DLGAP2: variants seen among roughly 807,000 people sequenced by gnomAD.
DLGAP2 encodes the protein disks large-associated protein 2.
DLGAP2 carries 26 observed loss-of-function variants against 100.3 expected under a neutral mutation model. The observed-to-expected ratio is 0.26, with a 90% CI of 0.19 to 0.36. The LOEUF is 0.36. DLGAP2 is among the 10% of genes least tolerant of loss of function. DLGAP2 has a pLI of 1.00. For synonymous variants in DLGAP2, 886 were observed against 630.1 expected, an observed-to-expected ratio of 1.41 and a Z score of -6.08; for missense variants, 1,858 against 1,453.2, an observed-to-expected ratio of 1.28 and a Z score of -4.53.
chr8:1,482,841 G>A (rs1302793134), intron 3 of DLGAP2, among the ~76,000 whole-genome samples: 3 of 152,262 alleles, frequency 2.0e-5, no homozygotes, highest in African/African-American at 4.8e-5. Flanking sequence ...GGCTGGACCA[G>A]AAGAGGAGGG....
intron 10 of DLGAP2, among the ~76,000 whole-genome samples, chr8:1,673,679 T>C (rs937004370): frequency 1.3e-5 from 2 of 152,230 alleles, no homozygotes; most frequent in African/African-American, 2.4e-5. Flanking sequence ...CTGAGAGTTT[T>C]ACATCAGTTA....
At chr8:1,657,259 G>A (rs955743432) in intron 8 of DLGAP2, among the ~76,000 whole-genome samples, 3 of 152,118 alleles carry the variant, frequency 2.0e-5, no homozygotes, top group South Asian at 2.1e-4. Flanking sequence ...TTTTAAGGAC[G>A]TAGACTAGAA....
intron 2 of DLGAP2, among the ~76,000 whole-genome samples, chr8:917,323 C>T (rs150625904): frequency 3.6e-4 from 54 of 150,944 alleles, no homozygotes; most frequent in African/African-American, 1.3e-3. Flanking sequence ...ACTAGAACCT[C>T]CACTTCTCAG....
chr8:1,651,283 C>G (rs1033651007), intron 8 of DLGAP2, among the ~76,000 whole-genome samples: 4 of 152,206 alleles, frequency 2.6e-5, no homozygotes, highest in African/African-American at 9.6e-5. Context: ...CTGTGTGGCC[C>G]TTCTTCACAG....
At chr8:1,189,647 C>T (rs1306704715) in intron 2 of DLGAP2, among the ~76,000 whole-genome samples, 1 of 152,188 alleles carries the variant, frequency 6.6e-6, no homozygotes, top group African/African-American at 2.4e-5. Context: ...CATCCCCATG[C>T]CTGGAAACGG....
intron 1 of DLGAP2, among the ~76,000 whole-genome samples, chr8:881,501 T>C (rs1379302717): frequency 9.0e-5 from 13 of 144,500 alleles, no homozygotes; most frequent in African/African-American, 2.3e-4. Context: ...TCTCTCTTTT[T>C]TTTTTTTTTT....
intron 1 of DLGAP2, among the ~76,000 whole-genome samples, chr8:860,842 G>A (rs577919218): frequency 7.2e-5 from 11 of 152,252 alleles, no homozygotes; most frequent in Admixed American, 3.9e-4. Context: ...AAATCATGCC[G>A]TAATATCATA....
chr8:1,458,172 C>A (rs1798375236), intron 3 of DLGAP2, among the ~76,000 whole-genome samples: 1 of 151,712 alleles, frequency 6.6e-6, no homozygotes, highest in Non-Finnish European at 1.5e-5. Context: ...TCCCAAAGTG[C>A]TGGGATTACA....
chr8:1,309,419 C>T (rs1800562700), intron 3 of DLGAP2, among the ~76,000 whole-genome samples: 1 of 152,048 alleles, frequency 6.6e-6, no homozygotes, highest in South Asian at 2.1e-4. Context: ...CTCTTGATTT[C>T]TCTAGAAACC....
At chr8:1,476,553 C>A (rs961761770) in intron 3 of DLGAP2, among the ~76,000 whole-genome samples, 1 of 152,178 alleles carries the variant, frequency 6.6e-6, no homozygotes, top group Non-Finnish European at 1.5e-5. Context: ...CTCATGGTTC[C>A]CCCCTCAGTT....
At chr8:1,366,605 G>T (rs765541934) in intron 3 of DLGAP2, among the ~76,000 whole-genome samples, 2 of 152,158 alleles carry the variant, frequency 1.3e-5, no homozygotes, top group Non-Finnish European at 2.9e-5. Flanking sequence ...AGTGTACAGG[G>T]GCACAGGAAC....
chr8:1,334,964 G>A (rs1324345273), intron 3 of DLGAP2, among the ~76,000 whole-genome samples: 1 of 152,188 alleles, frequency 6.6e-6, no homozygotes, highest in East Asian at 1.9e-4. Context: ...CCGGGACCCA[G>A]CCCTCGCAGG....
intron 1 of DLGAP2, among the ~76,000 whole-genome samples, chr8:779,413 C>T (rs1821625939): frequency 6.6e-6 from 1 of 152,070 alleles, no homozygotes; most frequent in Non-Finnish European, 1.5e-5. Context: ...GGGGGCTCAA[C>T]ACAGTTCAGT....
intron 3 of DLGAP2, among the ~76,000 whole-genome samples, chr8:1,310,983 C>A (rs1330748444): frequency 2.0e-5 from 3 of 151,070 alleles, no homozygotes; most frequent in Non-Finnish European, 2.9e-5. Flanking sequence ...AGAGTATCAA[C>A]AAAACTGAAG....
intron 1 of DLGAP2, among the ~76,000 whole-genome samples, chr8:890,430 A>G (rs143745660): frequency 9.6e-4 from 146 of 151,846 alleles, no homozygotes; most frequent in African/African-American, 3.2e-3. Context: ...ATAGTTCGGG[A>G]ATTGCCTCTC....
At chr8:1,101,066 G>A (rs952010480) in intron 2 of DLGAP2, among the ~76,000 whole-genome samples, 2 of 152,194 alleles carry the variant, frequency 1.3e-5, no homozygotes, top group Admixed American at 1.3e-4. Context: ...ACAAGCCCAC[G>A]TCTACTCCTC....
intron 3 of DLGAP2, among the ~76,000 whole-genome samples, chr8:1,260,308 C>T (rs1799320126): frequency 1.3e-5 from 2 of 151,976 alleles, no homozygotes; most frequent in South Asian, 4.2e-4. Context: ...TCCCCCAACC[C>T]CTCACCGAGA....
intron 3 of DLGAP2, among the ~76,000 whole-genome samples, chr8:1,287,759 C>G (rs1799973184): frequency 2.2e-5 from 1 of 45,078 alleles, no homozygotes; most frequent in African/African-American, 1.2e-4. Context: ...AGTTTTGGTT[C>G]AGCGTGTGTG....
At chr8:1,028,074 A>C (rs748317200) in intron 2 of DLGAP2, among the ~76,000 whole-genome samples, 2 of 33,148 alleles carry the variant, frequency 6.0e-5, no homozygotes, top group Non-Finnish European at 1.2e-4. Flanking sequence ...TGGGGTGCCA[A>C]GCGCCCGTTA....
Sources: allele counts gnomAD v4.1 joint callset (sites outside exome capture counted in the v4.1 genomes callset), GRCh38; gene constraint gnomAD v4.1.1; transcripts MANE v1.5; gene names NCBI Gene and HGNC (gene_info 2026-07-23, HGNC 2026-07-21).